HIPK2: variants seen among roughly 807,000 people sequenced by gnomAD.
HIPK2 encodes homeodomain interacting protein kinase 2.
Under a neutral mutation model 113.7 loss-of-function variants are expected in HIPK2, and 27 were observed. The ratio of observed to expected loss-of-function variants is 0.24; its 90% CI spans 0.17 to 0.33. The LOEUF (loss-of-function observed/expected upper bound fraction) is 0.33, where lower values mean the gene tolerates loss of function less well. HIPK2 is among the 10% of genes least tolerant of loss of function. The probability of loss-of-function intolerance (pLI) is 1.00; values close to 1 mark genes in which losing one functional copy is unlikely to be tolerated. For missense variants in HIPK2, 1,257 were observed against 1,588.0 expected, an observed-to-expected ratio of 0.79 and a Z score of 3.54; for synonymous variants, 631 against 642.2, an observed-to-expected ratio of 0.98 and a Z score of 0.26.
At chr7:139,757,028 C>T (rs749762579) in intron 1 of HIPK2, among the ~76,000 whole-genome samples, 2 of 152,176 alleles carry the variant, frequency 1.3e-5, no homozygotes, top group African/African-American at 2.4e-5. Flanking sequence ...CAGAACTTTA[C>T]CTAATTTCTC....
intron 11 of HIPK2, 79 bp from the exon 12 acceptor site, chr7:139,597,077 A>G: frequency 6.9e-7 from 1 of 1,456,192 alleles, no homozygotes; most frequent in Non-Finnish European, 9.2e-7. Context: ...ATTGCCTAGA[A>G]ACACCTGCTT....
At chr7:139,666,603 A>G (rs965768072) in intron 2 of HIPK2, among the ~76,000 whole-genome samples, 1 of 152,220 alleles carries the variant, frequency 6.6e-6, no homozygotes, top group Non-Finnish European at 1.5e-5. Context: ...GAAGGCCACA[A>G]ATGAATACAA....
chr7:139,620,146 G>A (rs1407960925), intron 7 of HIPK2, among the ~76,000 whole-genome samples: 3 of 152,138 alleles, frequency 2.0e-5, no homozygotes, highest in Non-Finnish European at 4.4e-5. Flanking sequence ...TCAGGACAGA[G>A]GAAAGCAGTA....
In HIPK2 at chr7:139,654,741, C is replaced by T. The variant is rs927219086; in HGVS notation, c.1104-23016G>A. 3.3e-5 allele frequency among the ~76,000 whole-genome samples: 5 copies of T among 152,222 alleles called. No individual in the cohort carries two copies. The East Asian group carries it at 5.8e-4, about 18-fold the overall frequency. ...GGACAAAGCGCAACATGGACGCTCA[C>T]GAGTCCAGCCAAATTCTGAGTGCTT... is the stretch of plus-strand genomic sequence containing the variant. On this transcript the variant is annotated intron_variant, in intron 2 of 14. Transcript: ENST00000406875.
Position 139,747,927 on chromosome 7 carries a change from T to C in HIPK2, c.19+29678A>G, listed in dbSNP as rs1353342314. 2.0e-5 allele frequency among the ~76,000 whole-genome samples: 3 copies of C among 152,346 alleles called. No homozygotes were observed. The East Asian group carries it at 5.8e-4, about 29-fold the overall frequency. On this transcript the variant is annotated intron_variant, in intron 1 of 14. Coordinates refer to ENST00000406875, the MANE Select transcript of HIPK2 (RefSeq NM_022740.5). ...AAGTGCTTACTGGTCACGTGGCAAG[T>C]AGCTACTGTGGGAGAGAGGGTGGAC... is the stretch of plus-strand genomic sequence containing the variant.
intron 1 of HIPK2, among the ~76,000 whole-genome samples, chr7:139,763,117 T>G (rs1796495199): frequency 6.6e-6 from 1 of 151,992 alleles, no homozygotes; most frequent in Admixed American, 6.6e-5. Flanking sequence ...GTCACAGAAC[T>G]GAAAGAGGCC....
intron 1 of HIPK2, among the ~76,000 whole-genome samples, chr7:139,725,575 A>G (rs948447613): frequency 1.3e-5 from 2 of 152,224 alleles, no homozygotes; most frequent in Non-Finnish European, 2.9e-5. Context: ...GATAACTTCT[A>G]TCTTCTAGAA....
rs1798205987 is a variant in HIPK2, at chr7:139,569,809, GAA to G, written c.*3116_*3117del. 1 of 151,852 alleles carries G rather than the reference GAA, an allele frequency of 6.6e-6. No homozygotes were observed. The highest frequency in any genetic ancestry group is 2.1e-4 in the South Asian group (1 of 4,816). The allele number at this position is 151,852 out of a possible 1,614,324, so 9.4% of individuals were successfully genotyped here. A position where few individuals can be genotyped will look rare whatever the true frequency, so the allele number is the denominator to read the frequency against. The stretch of plus-strand genomic sequence containing the variant: ...CAGTCTACTTATATACTCACAGAGA[GAA>G]TAAGTTTAAATATTAAAGAGAAAAC... On this transcript the variant is annotated 3_prime_UTR_variant, in exon 15 of 15. Coordinates refer to ENST00000406875, the MANE Select transcript of HIPK2 (RefSeq NM_022740.5).
At chr7:139,703,627 C>T (rs1432518826) in intron 2 of HIPK2, among the ~76,000 whole-genome samples, 2 of 151,806 alleles carry the variant, frequency 1.3e-5, no homozygotes, top group Non-Finnish European at 2.9e-5. Context: ...GAACACCATG[C>T]ACCAGTCTAC....
rs34892754 is a variant in HIPK2, at chr7:139,683,955, T to TG, written c.1103+31976dup. Among the ~76,000 whole-genome samples, 54,670 of 149,616 alleles carry TG rather than the reference T, an allele frequency of 0.37. 10,772 individuals carry two copies. Among genetic ancestry groups the TG allele is most frequent in the Non-Finnish European group, 0.45 (29,992 of 67,116 alleles). On this transcript the variant is annotated intron_variant, in intron 2 of 14. Coordinates refer to ENST00000406875, the MANE Select transcript of HIPK2 (RefSeq NM_022740.5). This position sits in a 1 kb window ranked among gnomAD's most constrained non-coding sequence, Gnocchi z 4.2. ...GCTTGACTGAGCTTTGCAGATACCA[T>TG]GATTTTTTTTTTTTACACAAATTGA... is the stretch of plus-strand genomic sequence containing the variant.
rs77332033 is a variant in HIPK2 at position 139,693,470 on chromosome 7, G to A, written c.1103+22462C>T. On this transcript the variant is annotated intron_variant, in intron 2 of 14. Transcript: ENST00000406875. ...GCAGCACTTGGTAGAAGAAACGTGT[G>A]TCTGGGGGTCAGACACACCTGGTTC... Among the ~76,000 whole-genome samples the A allele has an allele frequency of 2.0e-5, 3 of 152,304 alleles. No individual in the cohort carries two copies. In the East Asian group the frequency reaches 5.8e-4, roughly 29 times the overall value.
At chr7:139,745,383 G>C (rs1796172846) in intron 1 of HIPK2, among the ~76,000 whole-genome samples, 1 of 152,186 alleles carries the variant, frequency 6.6e-6, no homozygotes, top group African/African-American at 2.4e-5. Context: ...ATAAAGGCTA[G>C]GGAGACTGAG....
chr7:139,772,198 C>CG (rs1569486518), intron 1 of HIPK2, among the ~76,000 whole-genome samples: 1 of 151,950 alleles, frequency 6.6e-6, no homozygotes, highest in Non-Finnish European at 1.5e-5. Flanking sequence ...CTGAATGCTT[C>CG]GGAGTGACAG....
intron 13 of HIPK2, among the ~76,000 whole-genome samples, chr7:139,583,136 C>T (rs1405907055): frequency 6.6e-6 from 1 of 152,226 alleles, no homozygotes; most frequent in Non-Finnish European, 1.5e-5. Context: ...TGGTTTAGTC[C>T]CCACATTCTT....
chr7:139,722,271 T>C (rs1233007028), intron 1 of HIPK2, among the ~76,000 whole-genome samples: 2 of 152,224 alleles, frequency 1.3e-5, no homozygotes. Flanking sequence ...TATGCTATAG[T>C]TAGAAGAATT....
chr7:139,642,443 G>A (rs541028689), intron 2 of HIPK2, among the ~76,000 whole-genome samples: 1 of 152,326 alleles, frequency 6.6e-6, no homozygotes, highest in African/African-American at 2.4e-5. Context: ...AGAAAGGCAA[G>A]GGCTGGAAAG....
At chr7:139,642,405 G>A (rs918130597) in intron 2 of HIPK2, among the ~76,000 whole-genome samples, 1 of 152,178 alleles carries the variant, frequency 6.6e-6, no homozygotes, top group Non-Finnish European at 1.5e-5. Context: ...GGAGCCAGAG[G>A]TAAGAGAGAG....
rs537567440 is a variant in HIPK2, at chr7:139,640,087, T to C, written c.1104-8362A>G. On this transcript the variant is annotated intron_variant, in intron 2 of 14. Transcript: ENST00000406875. Reference sequence around the variant, plus strand: ...TACAGCTCCACCCCATGGAACCATCTTAAAGAATCGCCTCATTACTATTTT... The same window carrying C: ...TACAGCTCCACCCCATGGAACCATCCTAAAGAATCGCCTCATTACTATTTT... Among the ~76,000 whole-genome samples the C allele has an allele frequency of 1.4e-4, 22 of 152,310 alleles. 1 individual carries two copies. Among genetic ancestry groups the C allele is most frequent in the African/African-American group, 5.3e-4 (22 of 41,564 alleles).
intron 1 of HIPK2, among the ~76,000 whole-genome samples, chr7:139,752,925 G>T (rs980583278): frequency 6.6e-6 from 1 of 152,072 alleles, no homozygotes; most frequent in Non-Finnish European, 1.5e-5. Flanking sequence ...AGAGAATCTA[G>T]GTGACAAACG....
Sources: gnomAD v4.1 joint callset for allele counts (sites outside exome capture counted in the v4.1 genomes callset) on GRCh38, gnomAD v4.1.1 for gene constraint, Gnocchi (gnomAD v3.1) non-coding constraint, MANE v1.5 for transcripts, NCBI Gene and HGNC (gene_info 2026-07-23, HGNC 2026-07-21) for gene names.